DST: variants seen among roughly 807,000 people sequenced by gnomAD.
DST encodes the protein bullous pemphigoid antigen.
A neutral mutation model predicts 875.2 loss-of-function variants in DST; 253 were observed. The ratio of observed to expected loss-of-function variants is 0.29; its 90% CI spans 0.26 to 0.32. The LOEUF (loss-of-function observed/expected upper bound fraction) is 0.32. DST is among the 10% of genes least tolerant of loss of function. The probability of loss-of-function intolerance (pLI) is 1.00; values close to 1 mark genes in which losing one functional copy is unlikely to be tolerated. For synonymous variants in DST, 3,124 were observed against 3,197.1 expected, an observed-to-expected ratio of 0.98 and a Z score of 0.77; for missense variants, 8,287 against 9,111.6, an observed-to-expected ratio of 0.91 and a Z score of 3.68.
intron 72 of DST, among the ~76,000 whole-genome samples, chr6:56,512,339 C>CA (rs1182794069): frequency 6.6e-6 from 1 of 152,212 alleles, no homozygotes; most frequent in Non-Finnish European, 1.5e-5. Context: ...AGAATACATA[C>CA]ACCTCATGGA....
chr6:56,605,094 A>G lies in DST; in HGVS notation c.9534T>C (p.Leu3178=), dbSNP rs1411519718. The change falls in exon 40 of 104, where the codon CTT becomes CTC. Residue 3178 remains leucine, a synonymous_variant. Coordinates refer to ENST00000680361, the MANE Select transcript of DST (RefSeq NM_001374736.1). Reference sequence around the variant, plus strand: ...AATGTTTTAAGTAAGTAAACAGATCAAGCTCTTTCTCAGGTCCATCAGTGA... The same window carrying G: ...AATGTTTTAAGTAAGTAAACAGATCGAGCTCTTTCTCAGGTCCATCAGTGA... ...ESFTDGPEKE[L]DLFTYLKHCA... 3 of 1,612,782 alleles carry G rather than the reference A, an allele frequency of 1.9e-6. No individual in the cohort carries two copies. The highest frequency in any genetic ancestry group is 3.3e-5 in the Admixed American group (2 of 59,796).
chr6:56,833,908 C>CA (rs1253417427), intron 4 of DST, among the ~76,000 whole-genome samples: 1 of 150,886 alleles, frequency 6.6e-6, no homozygotes, highest in Non-Finnish European at 1.5e-5. Context: ...CTCCAAAACT[C>CA]AACAATAAAA....
intron 2 of DST, among the ~76,000 whole-genome samples, chr6:56,909,138 CTT>C (rs113622717): frequency 3.2e-4 from 48 of 152,308 alleles, no homozygotes; most frequent in African/African-American, 1.0e-3. Context: ...ACCACTAGAT[CTT>C]GTTATTCAAC....
chr6:56,743,217 C>A (rs1183827306), intron 4 of DST, among the ~76,000 whole-genome samples: 1 of 152,060 alleles, frequency 6.6e-6, no homozygotes, highest in Non-Finnish European at 1.5e-5. Flanking sequence ...TTGTCTGAAA[C>A]GTTAGACCAA....
At chr6:56,796,937 AG>A (rs2099740562) in intron 4 of DST, among the ~76,000 whole-genome samples, 1 of 152,210 alleles carries the variant, frequency 6.6e-6, no homozygotes, top group African/African-American at 2.4e-5. Flanking sequence ...TTTAGAATAC[AG>A]AAGTACAGGC....
At chr6:56,871,055 T>C (rs1456819736) in intron 3 of DST, 2 of 433,752 alleles carry the variant, frequency 4.6e-6, no homozygotes, top group South Asian at 2.7e-5. Context: ...AGAAGAAAAA[T>C]AGCAAATGAA....
chr6:56,539,999 C>T (rs188615606), intron 61 of DST, among the ~76,000 whole-genome samples: 2 of 152,108 alleles, frequency 1.3e-5, no homozygotes, highest in Non-Finnish European at 2.9e-5. Context: ...ACAGTGGAGG[C>T]CTTCTAAATG....
intron 101 of DST, 50 bp downstream of exon 101, chr6:56,463,515 T>A (rs779532415): frequency 2.6e-5 from 38 of 1,471,632 alleles, no homozygotes; most frequent in South Asian, 2.4e-4. Flanking sequence ...AAAGTCTACT[T>A]GGGACATTGA....
intron 2 of DST, among the ~76,000 whole-genome samples, chr6:56,920,212 A>G (rs1437646504): frequency 2.0e-5 from 3 of 152,202 alleles, no homozygotes; most frequent in Non-Finnish European, 4.4e-5. Flanking sequence ...ATCCTACTCT[A>G]TCACTGCTCA....
chr6:56,921,181 T>C (rs1451916984), intron 2 of DST, among the ~76,000 whole-genome samples: 1 of 152,190 alleles, frequency 6.6e-6, no homozygotes, highest in African/African-American at 2.4e-5. Flanking sequence ...ATATTTCTAC[T>C]AACATGTGAT....
In DST at chr6:56,639,788, TAA is replaced by T; in HGVS notation, c.2620-17_2620-16del. The T allele has an allele frequency of 1.2e-6, 2 of 1,610,460 alleles. No homozygotes were observed. Among genetic ancestry groups the T allele is most frequent in the African/African-American group, 1.3e-5 (1 of 74,946 alleles). ...GTCATTTGAATCTATAACATGAGAT[TAA>T]AAAGACACTCCAGTCAGGAATCTGA... On this transcript the variant is annotated splice_polypyrimidine_tract_variant and intron_variant, in intron 19 of 103. Transcript: ENST00000680361.
At position 56,529,552 on chromosome 6, in the gene DST, C is replaced by T; in HGVS notation, c.17491G>A (p.Val5831Ile). ...CNAKIFGEDE[V>I]ELMNWLNEVH... ...TCATTCAGCCAGTTCATCAGTTCAA[C>T]TTCATCTTCCCCAAAAATCTTAGCA... is the stretch of plus-strand genomic sequence containing the variant. The change falls in exon 66 of 104, where the codon GTT becomes ATT. Residue 5831 changes from valine (V) to isoleucine (I), a missense_variant. Transcript: ENST00000680361. 1.9e-6 allele frequency: 3 copies of T among 1,613,760 alleles called. No homozygotes were observed. Among genetic ancestry groups the T allele is most frequent in the Non-Finnish European group, 1.7e-6 (2 of 1,179,738 alleles).
intron 2 of DST, among the ~76,000 whole-genome samples, chr6:56,909,429 C>A (rs1286046241): frequency 6.6e-6 from 1 of 152,184 alleles, no homozygotes; most frequent in African/African-American, 2.4e-5. Flanking sequence ...TTTTGGCCAG[C>A]ATGACCTTTG....
intron 4 of DST, among the ~76,000 whole-genome samples, chr6:56,741,904 T>C (rs1401800479): frequency 6.6e-6 from 1 of 152,100 alleles, no homozygotes; most frequent in Non-Finnish European, 1.5e-5. Context: ...GTGTAACAGC[T>C]GAAAATATGT....
At chr6:56,946,060 T>G (rs976573938) in intron 2 of DST, among the ~76,000 whole-genome samples, 70 of 152,240 alleles carry the variant, frequency 4.6e-4, no homozygotes, top group African/African-American at 1.6e-3. Context: ...GTAAATTATA[T>G]CTCAATAAAG....
chr6:56,929,047 T>G (rs1381979764), intron 2 of DST, among the ~76,000 whole-genome samples: 1 of 152,128 alleles, frequency 6.6e-6, no homozygotes, highest in Non-Finnish European at 1.5e-5. Context: ...AACCCAATTC[T>G]AATATTCACA....
chr6:56,514,576 T>TACAC (rs199770226), intron 72 of DST, among the ~76,000 whole-genome samples: 83 of 107,282 alleles, frequency 7.7e-4, no homozygotes, highest in South Asian at 5.5e-3. Context: ...GGCACAGGCG[T>TACAC]ATACACACAC....
intron 4 of DST, among the ~76,000 whole-genome samples, chr6:56,830,507 C>T (rs1486530235): frequency 6.6e-6 from 1 of 152,018 alleles, no homozygotes; most frequent in Non-Finnish European, 1.5e-5. Flanking sequence ...CCATATTTTC[C>T]CCAAGTACTT....
intron 9 of DST, among the ~76,000 whole-genome samples, chr6:56,688,565 G>A (rs892636287): frequency 1.3e-5 from 2 of 151,834 alleles, no homozygotes; most frequent in South Asian, 2.1e-4. Context: ...TTCTCTCTTC[G>A]GCTTCTTTAC....
Sources: gnomAD v4.1 joint callset for allele counts (sites outside exome capture counted in the v4.1 genomes callset) on GRCh38, gnomAD v4.1.1 for gene constraint, MANE v1.5 for transcripts, NCBI Gene and HGNC (gene_info 2026-07-23, HGNC 2026-07-21) for gene names.